DPP10: variants seen among roughly 807,000 people sequenced by gnomAD.
The protein encoded by DPP10 is dipeptidyl peptidase like 10.
Under a neutral mutation model 120.9 loss-of-function variants are expected in DPP10, and 33 were observed. That is an observed-to-expected ratio of 0.27 (90% CI 0.21 to 0.37). DPP10 has a LOEUF of 0.37. Among genes scored for constraint, DPP10 ranks in the 10% least tolerant of loss-of-function variants. The pLI is 1.00. For synonymous variants in DPP10, 337 were observed against 326.1 expected (o/e 1.03, Z -0.36); for missense variants, 816 against 942.8 (o/e 0.87, Z 1.76).
intron 1 of DPP10, among the ~76,000 whole-genome samples, chr2:114,939,623 G>C (rs140783647): frequency 4.0e-4 from 61 of 152,128 alleles, no homozygotes; most frequent in Admixed American, 1.4e-3. Context: ...GTTAAAATCT[G>C]TCAATTTTAA....
chr2:114,800,021 T>A (rs1327290714), intron 1 of DPP10, among the ~76,000 whole-genome samples: 1 of 152,242 alleles, frequency 6.6e-6, no homozygotes, highest in Non-Finnish European at 1.5e-5. Context: ...TTTAACACAC[T>A]TCCCTTCACT....
chr2:115,142,022 C>T (rs2050955999), intron 1 of DPP10, among the ~76,000 whole-genome samples: 1 of 152,170 alleles, frequency 6.6e-6, no homozygotes, highest in Non-Finnish European at 1.5e-5. Context: ...GATCCACCCA[C>T]CTCAGCCTCT....
At chr2:114,906,282 G>A (rs1693953080) in intron 1 of DPP10, among the ~76,000 whole-genome samples, 1 of 151,916 alleles carries the variant, frequency 6.6e-6, no homozygotes, top group Admixed American at 6.6e-5. Context: ...TACTAGGGAG[G>A]CTGAGGCATG....
At chr2:115,247,899 A>G (rs1212791927) in intron 1 of DPP10, among the ~76,000 whole-genome samples, 1 of 152,146 alleles carries the variant, frequency 6.6e-6, no homozygotes, top group Admixed American at 6.6e-5. Context: ...TGGTGGCTGT[A>G]TAGCCTTCTT....
chr2:114,529,190 G>A (rs1438593331), intron 1 of DPP10, among the ~76,000 whole-genome samples: 5 of 152,102 alleles, frequency 3.3e-5, no homozygotes, highest in African/African-American at 9.7e-5. Flanking sequence ...GCCAATGGCT[G>A]AGTCTTCCTT....
At chr2:115,233,259 G>A (rs1393893096) in intron 1 of DPP10, among the ~76,000 whole-genome samples, 1 of 151,928 alleles carries the variant, frequency 6.6e-6, no homozygotes, top group African/African-American at 2.4e-5. Flanking sequence ...TGCAGTTCAA[G>A]GGAGGCTAGG....
intron 3 of DPP10, among the ~76,000 whole-genome samples, chr2:115,451,631 C>T (rs1023618225): frequency 2.0e-5 from 3 of 151,832 alleles, no homozygotes; most frequent in South Asian, 2.1e-4. Flanking sequence ...ACAGCTGCCT[C>T]TGTTGCTACC....
At chr2:114,952,638 T>C (rs1697880449) in intron 1 of DPP10, among the ~76,000 whole-genome samples, 1 of 152,240 alleles carries the variant, frequency 6.6e-6, no homozygotes, top group South Asian at 2.1e-4. Context: ...ACCATATTTT[T>C]AGCAGTATTA....
intron 5 of DPP10, among the ~76,000 whole-genome samples, chr2:115,541,917 A>G (rs1486902660): frequency 2.6e-5 from 4 of 151,926 alleles, no homozygotes; most frequent in African/African-American, 9.7e-5. Context: ...ACTTTTACTT[A>G]CTTTTAAGTA....
chr2:115,341,473 A>T (rs1248002833), intron 2 of DPP10, among the ~76,000 whole-genome samples: 1 of 152,030 alleles, frequency 6.6e-6, no homozygotes, highest in Non-Finnish European at 1.5e-5. Context: ...TTGTCACCCA[A>T]GGTCTGTTTG....
intron 1 of DPP10, among the ~76,000 whole-genome samples, chr2:114,925,006 T>A (rs1255073064): frequency 6.6e-6 from 1 of 152,006 alleles, no homozygotes; most frequent in Non-Finnish European, 1.5e-5. Flanking sequence ...GGTCAGGAGT[T>A]TGAGACCAGC....
intron 1 of DPP10, among the ~76,000 whole-genome samples, chr2:114,450,703 T>G (rs1417880158): frequency 6.6e-6 from 1 of 151,826 alleles, no homozygotes; most frequent in African/African-American, 2.4e-5. Context: ...GCTATTTCTC[T>G]TGAGGATAAG....
intron 1 of DPP10, among the ~76,000 whole-genome samples, chr2:114,972,114 G>T (rs946767019): frequency 1.3e-5 from 2 of 152,206 alleles, no homozygotes; most frequent in Non-Finnish European, 2.9e-5. Context: ...TATTCTAGTT[G>T]CCAATCACTC....
intron 3 of DPP10, among the ~76,000 whole-genome samples, chr2:115,375,412 C>G (rs1249959854): frequency 6.6e-6 from 1 of 152,196 alleles, no homozygotes; most frequent in South Asian, 2.1e-4. Context: ...TCATTATCTG[C>G]ATCACTATCA....
At chr2:115,755,461 T>C (rs1679274890) in intron 11 of DPP10, among the ~76,000 whole-genome samples, 1 of 152,010 alleles carries the variant, frequency 6.6e-6, no homozygotes, top group Non-Finnish European at 1.5e-5. Context: ...TGGATGTCAA[T>C]GTGCAGAAAA....
At chr2:114,936,531 C>T (rs1332594803) in intron 1 of DPP10, among the ~76,000 whole-genome samples, 2 of 151,784 alleles carry the variant, frequency 1.3e-5, no homozygotes, top group Non-Finnish European at 2.9e-5. Flanking sequence ...TTTACAATTG[C>T]AAATTGTGTT....
intron 1 of DPP10, among the ~76,000 whole-genome samples, chr2:115,095,327 A>C (rs998361997): frequency 6.6e-6 from 1 of 152,168 alleles, no homozygotes; most frequent in African/African-American, 2.4e-5. Flanking sequence ...GGATAGATTT[A>C]GATAGAAGAT....
chr2:115,343,712 A>G (rs760288424), intron 2 of DPP10, 105 bp from the exon 3 acceptor site: 3 of 655,808 alleles, frequency 4.6e-6, no homozygotes, highest in Non-Finnish European at 7.8e-6. Flanking sequence ...TTATATTGTT[A>G]TGTAGTTAAT....
intron 7 of DPP10, among the ~76,000 whole-genome samples, chr2:115,697,819 A>G (rs545817037): frequency 2.7e-4 from 41 of 152,216 alleles, no homozygotes; most frequent in African/African-American, 8.2e-4. Flanking sequence ...CCCCGCCTCC[A>G]CTAAAAATAC....
Sources: allele counts gnomAD v4.1 joint callset (sites outside exome capture counted in the v4.1 genomes callset), GRCh38; gene constraint gnomAD v4.1.1; transcripts MANE v1.5; gene names NCBI Gene and HGNC (gene_info 2026-07-23, HGNC 2026-07-21).